Variants in VMA12 observed in about 807,000 individuals in gnomAD.
VMA12 encodes the protein vacuolar ATPase assembly factor VMA12.
the VMA12 span, chr17:28,360,434 A>C: frequency 9.1e-7 from 1 of 1,103,940 alleles, no homozygotes. Flanking sequence ...GGGCAGAGTT[A>C]ATATGTTGGG....
chr17:28,357,762 G>T, the VMA12 span: 1 of 1,613,460 alleles, frequency 6.2e-7, no homozygotes, highest in Non-Finnish European at 8.5e-7. Context: ...CGAAAGCTGC[G>T]GGCCGAGCTT....
the VMA12 span, chr17:28,360,873 G>A: frequency 2.1e-5 from 33 of 1,594,648 alleles, no homozygotes; most frequent in Non-Finnish European, 2.8e-5. Flanking sequence ...GCAGGGCAGG[G>A]TGCCCCTGGT....
At chr17:28,358,849 C>T in the VMA12 span, 5 of 1,267,882 alleles carry the variant, frequency 3.9e-6, no homozygotes, top group East Asian at 2.3e-5. Flanking sequence ...GGGCTACACC[C>T]CTCTTGATCT....
chr17:28,359,615 G>T, the VMA12 span: 1 of 391,218 alleles, frequency 2.6e-6, no homozygotes, highest in Non-Finnish European at 4.4e-6. Context: ...CGTCATAGAA[G>T]TGGGAGTTAG....
the VMA12 span, among the ~76,000 whole-genome samples, chr17:28,359,865 T>G: frequency 6.6e-6 from 1 of 152,002 alleles, no homozygotes; most frequent in Non-Finnish European, 1.5e-5. Context: ...GAGCCAACAC[T>G]GCACCATTGC....
At chr17:28,361,160 G>A in the VMA12 span, 1 of 1,614,106 alleles carries the variant, frequency 6.2e-7, no homozygotes, top group Non-Finnish European at 8.5e-7. Context: ...TCTCCAGCGG[G>A]TGCTAGCTGC....
chr17:28,360,376 A>T, the VMA12 span: 1 of 678,124 alleles, frequency 1.5e-6, no homozygotes, highest in Non-Finnish European at 2.5e-6. Flanking sequence ...CCTGCTCTGT[A>T]GTCCAGAAAA....
the VMA12 span, chr17:28,357,772 T>G: frequency 5.0e-6 from 8 of 1,613,378 alleles, no homozygotes; most frequent in African/African-American, 2.7e-5. Context: ...GGGCCGAGCT[T>G]GAGGCCGCGC....
At chr17:28,358,806 A>C in the VMA12 span, 1 of 801,364 alleles carries the variant, frequency 1.2e-6, no homozygotes, top group Non-Finnish European at 2.0e-6. Context: ...GGATTAATGT[A>C]GAGATGGCCC....
chr17:28,358,954 G>A, the VMA12 span: 1 of 1,612,640 alleles, frequency 6.2e-7, no homozygotes, highest in Non-Finnish European at 8.5e-7. Flanking sequence ...AGAAGGCAGT[G>A]AAATCTATCT....
the VMA12 span, chr17:28,357,794 C>A: frequency 6.2e-7 from 1 of 1,614,018 alleles, no homozygotes; most frequent in Non-Finnish European, 8.5e-7. Flanking sequence ...GGGGAAGAAG[C>A]ACAAGGGCGG....
At chr17:28,359,370 A>G in the VMA12 span, 1 of 1,614,122 alleles carries the variant, frequency 6.2e-7, no homozygotes. Flanking sequence ...GCCAATGAGG[A>G]ATATAAACGG....
the VMA12 span, chr17:28,357,743 C>T: frequency 1.2e-6 from 2 of 1,613,304 alleles, no homozygotes; most frequent in African/African-American, 1.3e-5. Flanking sequence ...GGAGCCAGAG[C>T]GGCTACCCCG....
At chr17:28,363,471 C>T in the VMA12 span, 1 of 152,192 alleles carries the variant, frequency 6.6e-6, no homozygotes, top group Middle Eastern at 3.4e-3. Flanking sequence ...AAACGGCCCT[C>T]GTCCCCGTTC....
the VMA12 span, chr17:28,358,380 CA>C: frequency 2.1e-6 from 1 of 472,368 alleles, no homozygotes; most frequent in South Asian, 1.5e-5. Flanking sequence ...CTAGCTCTGT[CA>C]CTAATCCTTT....
chr17:28,360,448 T>G, the VMA12 span: 1 of 1,179,226 alleles, frequency 8.5e-7, no homozygotes, highest in Non-Finnish European at 1.2e-6. Flanking sequence ...TGTTGGGGAA[T>G]AGAGAGGGCT....
At chr17:28,361,427 G>A in the VMA12 span, 1,421 of 613,740 alleles carry the variant, frequency 2.3e-3, 20 homozygotes, top group African/African-American at 0.024. Context: ...AATTTCCAAA[G>A]GGAGCATTGG....
the VMA12 span, chr17:28,360,092 C>T: frequency 2.5e-5 from 4 of 162,036 alleles, no homozygotes; most frequent in Admixed American, 1.7e-4. Flanking sequence ...CTCAGCCTCC[C>T]AAGTAGCTGG....
At chr17:28,359,730 C>T in the VMA12 span, 32 of 176,270 alleles carry the variant, frequency 1.8e-4, no homozygotes, top group African/African-American at 7.3e-4. Context: ...CATGGTGAAA[C>T]CCCGTCTTTA....
Sources: allele counts gnomAD v4.1 joint callset (sites outside exome capture counted in the v4.1 genomes callset), GRCh38; gene constraint gnomAD v4.1.1; transcripts MANE v1.5; gene names NCBI Gene and HGNC (gene_info 2026-07-23, HGNC 2026-07-21).